Variants in ASXL2 observed in about 807,000 individuals in gnomAD.
The protein encoded by ASXL2 is putative Polycomb group protein ASXL2.
Under a neutral mutation model 122.0 loss-of-function variants are expected in ASXL2, and 23 were observed. The observed-to-expected ratio is 0.19, with a 90% CI of 0.14 to 0.27. ASXL2 has a LOEUF of 0.27. Ranked by LOEUF, ASXL2 falls within the 10% of genes least tolerant of loss-of-function variation. The pLI is 1.00. For synonymous variants in ASXL2, 650 were observed against 637.0 expected, an observed-to-expected ratio of 1.02 and a Z score of -0.31; for missense variants, 1,518 against 1,713.8, an observed-to-expected ratio of 0.89 and a Z score of 2.02.
In ASXL2 at chr2:25,744,237, A is replaced by G. The variant is rs758431174; in HGVS notation, c.2100T>C (p.Gly700=). Residue 700 remains glycine, a synonymous_variant, in exon 13 of 13, where the codon GGT becomes GGC. Transcript: ENST00000435504. This position sits in a 1 kb window ranked among gnomAD's most constrained non-coding sequence, Gnocchi z 4.7. The part of the protein sequence containing the change: ...IPGPGPGGGQ[G]PGEGGEGQTA... Reference sequence around the variant, plus strand: ...TCTGCCCTTCACCACCCTCTCCTGGACCTTGTCCACCCCCTGGGCCAGGTC... The same window carrying G: ...TCTGCCCTTCACCACCCTCTCCTGGGCCTTGTCCACCCCCTGGGCCAGGTC... 6.2e-7 allele frequency: 1 copy of G among 1,613,692 alleles called. No homozygotes were observed.
At chr2:25,873,024 T>G (rs1279933107) in intron 1 of ASXL2, among the ~76,000 whole-genome samples, 1 of 152,144 alleles carries the variant, frequency 6.6e-6, no homozygotes, top group African/African-American at 2.4e-5. Flanking sequence ...TCTGAGATTT[T>G]GGTGCACCCA....
Position 25,799,514 on chromosome 2 carries a change from T to C in ASXL2, c.274A>G (p.Lys92Glu). 1 of 1,613,746 alleles carries C rather than the reference T, an allele frequency of 6.2e-7. No individual in the cohort carries two copies. The highest frequency in any genetic ancestry group is 8.5e-7 in the Non-Finnish European group (1 of 1,179,760). Reference protein sequence around the residue: ...TLKKDVPDGVKELSEGSEESS... With the variant: ...TLKKDVPDGVEELSEGSEESS... ...TCTTCTGAACCTTCTGACAGCTCTT[T>C]CACCCCATCCGGCACATCTTTCTGA... The change falls in exon 5 of 13, where the codon AAA (lysine) becomes GAA (glutamate). Residue 92 changes from lysine (K) to glutamate (E), a missense_variant. Around this residue, in one of 8 missense-constraint regions of ASXL2, gnomAD observed 198 missense variants for 209.0 expected, o/e 0.95. Transcript: ENST00000435504.
chr2:25,789,348 T>C (rs1407168647), intron 5 of ASXL2, among the ~76,000 whole-genome samples: 1 of 152,000 alleles, frequency 6.6e-6, no homozygotes, highest in Non-Finnish European at 1.5e-5. Context: ...CAAAAAATTA[T>C]TTAAGTATGA....
At chr2:25,853,197 A>C (rs2089737663) in intron 1 of ASXL2, among the ~76,000 whole-genome samples, 1 of 152,198 alleles carries the variant, frequency 6.6e-6, no homozygotes, top group Non-Finnish European at 1.5e-5. Context: ...AACAAAATGA[A>C]TTCAGAGGAT....
At chr2:25,835,075 C>T (rs553328719) in intron 3 of ASXL2, among the ~76,000 whole-genome samples, 9 of 144,860 alleles carry the variant, frequency 6.2e-5, no homozygotes, top group East Asian at 1.9e-4. Flanking sequence ...CCACCCACCT[C>T]GGCCTCTCAA....
intron 1 of ASXL2, chr2:25,856,335 G>T: frequency 4.3e-6 from 2 of 464,510 alleles, no homozygotes; most frequent in South Asian, 3.8e-5. Flanking sequence ...GGGATTACAG[G>T]CATGAGCCAC....
chr2:25,866,708 G>A (rs1169645936), intron 1 of ASXL2, among the ~76,000 whole-genome samples: 1 of 151,974 alleles, frequency 6.6e-6, no homozygotes, highest in East Asian at 1.9e-4. Flanking sequence ...TTAATTTTTT[G>A]TCAGAAATAA....
Position 25,750,366 on chromosome 2 carries a change from C to G in ASXL2, c.1190G>C (p.Ser397Thr). 6.2e-7 allele frequency: 1 copy of G among 1,610,230 alleles called. No individual in the cohort carries two copies. The highest frequency in any genetic ancestry group is 8.5e-7 in the Non-Finnish European group (1 of 1,179,022). Residue 397 changes from serine (S) to threonine (T), a missense_variant, in exon 12 of 13, where the codon AGT (serine) becomes ACT (threonine). By Grantham distance (58) the Ser-to-Thr change is moderately conservative. Transcript: ENST00000435504. ...TGGGGTTTTCTTTACTTTGGGATCACTGGGAGAAGCTGTCAATTTCTTAGA... is the reference window on the plus strand; with the variant it reads ...TGGGGTTTTCTTTACTTTGGGATCAGTGGGAGAAGCTGTCAATTTCTTAGA... ...EDSKKLTASP[S>T]DPKVKKTPAE...
intron 3 of ASXL2, among the ~76,000 whole-genome samples, chr2:25,815,350 G>A (rs146360115): frequency 2.2e-3 from 327 of 151,870 alleles, no homozygotes; most frequent in African/African-American, 7.3e-3. Context: ...AAATTCTTCT[G>A]ACTACTTGGC....
At chr2:25,787,626 T>C (rs1044321429) in intron 5 of ASXL2, among the ~76,000 whole-genome samples, 4 of 152,082 alleles carry the variant, frequency 2.6e-5, no homozygotes, top group East Asian at 3.9e-4. Context: ...CACACAATTA[T>C]AAAGTAAAAA....
In ASXL2 at chr2:25,834,907, C is replaced by A. The variant is rs139975842; in HGVS notation, c.143+631G>T. ...GCATGATCTCGGCTCACTGCAACCT[C>A]CACCTTGTGGGTTCAAGCAATTCTC... On this transcript the variant is annotated intron_variant, in intron 3 of 12. Transcript: ENST00000435504. Among the ~76,000 whole-genome samples the A allele has an allele frequency of 2.4e-3, 363 of 152,206 alleles. 2 individuals are homozygous for A. Among genetic ancestry groups the A allele is most frequent in the African/African-American group, 8.4e-3 (347 of 41,522 alleles).
intron 12 of ASXL2, 100 bp downstream of exon 12, chr2:25,749,596 G>T: frequency 1.1e-6 from 1 of 900,728 alleles, no homozygotes. Flanking sequence ...AACTGCTTCT[G>T]CATTAAGAAC....
At chr2:25,868,018 A>C (rs1057088454) in intron 1 of ASXL2, among the ~76,000 whole-genome samples, 1 of 152,246 alleles carries the variant, frequency 6.6e-6, no homozygotes, top group African/African-American at 2.4e-5. Context: ...CATACAGAAT[A>C]AAACAACACA....
intron 1 of ASXL2, among the ~76,000 whole-genome samples, chr2:25,856,218 A>G (rs965185904): frequency 4.0e-5 from 6 of 151,366 alleles, no homozygotes; most frequent in Non-Finnish European, 8.8e-5. Flanking sequence ...CACCATGCCC[A>G]GCTAATTTTT....
intron 2 of ASXL2, among the ~76,000 whole-genome samples, chr2:25,837,621 G>A (rs2089527168): frequency 6.6e-6 from 1 of 152,110 alleles, no homozygotes; most frequent in Admixed American, 6.6e-5. Context: ...GGAGGCCAAG[G>A]TGGGAGGATC....
intron 1 of ASXL2, among the ~76,000 whole-genome samples, chr2:25,860,684 C>T (rs1286679442): frequency 1.3e-5 from 2 of 150,548 alleles, no homozygotes; most frequent in Non-Finnish European, 3.0e-5. Context: ...GCACTCCAGC[C>T]TGGGCGACAG....
chr2:25,779,981 C>T (rs1262899855), intron 5 of ASXL2, among the ~76,000 whole-genome samples: 1 of 152,154 alleles, frequency 6.6e-6, no homozygotes, highest in Non-Finnish European at 1.5e-5. Context: ...AATTCTCCTG[C>T]CTCAGCCTCC....
At chr2:25,789,319 C>T (rs1057157732) in intron 5 of ASXL2, among the ~76,000 whole-genome samples, 2 of 150,856 alleles carry the variant, frequency 1.3e-5, no homozygotes, top group Non-Finnish European at 2.9e-5. Context: ...TTCTTACACA[C>T]ATGCAAATAA....
At chr2:25,785,324 C>G (rs1303676694) in intron 5 of ASXL2, among the ~76,000 whole-genome samples, 1 of 152,088 alleles carries the variant, frequency 6.6e-6, no homozygotes, top group Non-Finnish European at 1.5e-5. Flanking sequence ...CTCCCAGCTT[C>G]AAGTGATTCT....
Sources: gnomAD v4.1 joint callset for allele counts (sites outside exome capture counted in the v4.1 genomes callset) on GRCh38, gnomAD v4.1.1 for gene constraint, gnomAD v4.1.1 regional missense constraint, Gnocchi (gnomAD v3.1) non-coding constraint, MANE v1.5 for transcripts, NCBI Gene and HGNC (gene_info 2026-07-23, HGNC 2026-07-21) for gene names.